FRMD4A: variants seen among roughly 807,000 people sequenced by gnomAD.
FRMD4A encodes the protein FERM domain-containing protein 4A.
A neutral mutation model predicts 129.1 loss-of-function variants in FRMD4A; 29 were observed. The observed-to-expected ratio is 0.22, with a 90% CI of 0.17 to 0.31. The LOEUF is 0.31. Ranked by LOEUF, FRMD4A falls within the 10% of genes least tolerant of loss-of-function variation. The pLI is 1.00. For missense variants in FRMD4A, 1,272 were observed against 1,375.8 expected (o/e 0.92, Z 1.19); for synonymous variants, 634 against 571.6 (o/e 1.11, Z -1.56).
At chr10:13,718,824 C>A (rs574370048) in intron 12 of FRMD4A, among the ~76,000 whole-genome samples, 3 of 152,332 alleles carry the variant, frequency 2.0e-5, no homozygotes, top group African/African-American at 7.2e-5. Flanking sequence ...ATACACATAC[C>A]TCTGCCAAAG....
intron 2 of FRMD4A, among the ~76,000 whole-genome samples, chr10:14,134,329 A>G (rs894880557): frequency 3.6e-4 from 54 of 150,976 alleles, no homozygotes; most frequent in Non-Finnish European, 2.1e-4. Flanking sequence ...GGATAGATGT[A>G]TGGCTAGATG....
At chr10:13,725,465 T>C (rs963512290) in intron 12 of FRMD4A, among the ~76,000 whole-genome samples, 5 of 152,218 alleles carry the variant, frequency 3.3e-5, no homozygotes, top group African/African-American at 1.2e-4. Context: ...CCTCCCCTCC[T>C]GTGACTTTCC....
chr10:13,925,003 G>T (rs182493544), intron 2 of FRMD4A, among the ~76,000 whole-genome samples: 1,474 of 147,254 alleles, frequency 0.01, 13 homozygotes, highest in South Asian at 0.029. Flanking sequence ...GGCGGAGGTT[G>T]CAGTGAGCCG....
chr10:13,917,677 C>T (rs1200487268), intron 2 of FRMD4A, among the ~76,000 whole-genome samples: 2 of 152,162 alleles, frequency 1.3e-5, no homozygotes, highest in African/African-American at 4.8e-5. Flanking sequence ...AAATATCAAA[C>T]TTCAGAAAAG....
intron 2 of FRMD4A, among the ~76,000 whole-genome samples, chr10:14,211,784 A>G (rs12570331): frequency 0.33 from 49,875 of 152,136 alleles, 8,249 homozygotes; most frequent in Admixed American, 0.36. Context: ...AATCACAAGA[A>G]TGATTCAAAT....
chr10:14,277,013 C>T (rs1284109960), intron 2 of FRMD4A, among the ~76,000 whole-genome samples: 2 of 152,168 alleles, frequency 1.3e-5, no homozygotes, highest in Admixed American at 6.6e-5. Context: ...TACAGGTACT[C>T]ACAACCATAC....
chr10:13,900,876 G>A (rs769900141), intron 2 of FRMD4A, among the ~76,000 whole-genome samples: 2 of 152,052 alleles, frequency 1.3e-5, no homozygotes, highest in Non-Finnish European at 2.9e-5. Context: ...CAGCCTGGGC[G>A]ACAGAGCGAG....
chr10:13,998,540 T>A (rs1213091003), intron 2 of FRMD4A, among the ~76,000 whole-genome samples: 1 of 152,192 alleles, frequency 6.6e-6, no homozygotes, highest in Non-Finnish European at 1.5e-5. Context: ...GTTTAGCACA[T>A]CACGAATAGA....
chr10:13,743,954 G>GTA (rs768822612), intron 9 of FRMD4A, among the ~76,000 whole-genome samples: 78 of 152,316 alleles, frequency 5.1e-4, no homozygotes, highest in Middle Eastern at 3.4e-3. Context: ...AGGAAGCAGA[G>GTA]TAAGTGCTGC....
chr10:14,240,994 A>G (rs74691972), intron 2 of FRMD4A, among the ~76,000 whole-genome samples: 11,663 of 151,946 alleles, frequency 0.077, 459 homozygotes, highest in Non-Finnish European at 0.09. Context: ...GCATTGGTGG[A>G]TTACATCACC....
intron 2 of FRMD4A, chr10:14,326,808 C>G: frequency 2.5e-6 from 1 of 398,642 alleles, no homozygotes; most frequent in Non-Finnish European, 4.4e-6. Context: ...CAATTAGTCA[C>G]ATCAATCTGA....
At chr10:14,074,964 A>C (rs1444160310) in intron 2 of FRMD4A, 5 of 152,186 alleles carry the variant, frequency 3.3e-5, no homozygotes, top group Admixed American at 3.3e-4. Context: ...AGGTAGGGAG[A>C]AGAGATTACC....
intron 2 of FRMD4A, among the ~76,000 whole-genome samples, chr10:14,013,041 G>A (rs1344934168): frequency 6.6e-6 from 1 of 152,180 alleles, no homozygotes; most frequent in African/African-American, 2.4e-5. Flanking sequence ...GCAGGCTGAG[G>A]CCACCATGAG....
intron 12 of FRMD4A, among the ~76,000 whole-genome samples, chr10:13,736,248 A>G (rs2090624616): frequency 6.6e-6 from 1 of 152,196 alleles, no homozygotes; most frequent in African/African-American, 2.4e-5. Flanking sequence ...AGGCACAGAA[A>G]ATTAAAAATG....
At chr10:14,012,233 C>T (rs1348032369) in intron 2 of FRMD4A, among the ~76,000 whole-genome samples, 1 of 152,040 alleles carries the variant, frequency 6.6e-6, no homozygotes, top group African/African-American at 2.4e-5. Context: ...ATGTAGAAGA[C>T]ACTCTTCAGT....
At chr10:14,138,488 C>T (rs571815344) in intron 2 of FRMD4A, among the ~76,000 whole-genome samples, 50 of 152,260 alleles carry the variant, frequency 3.3e-4, no homozygotes, top group Middle Eastern at 3.4e-3. Flanking sequence ...AGGCCGGACG[C>T]GGTGGCTCAC....
chr10:13,689,975 T>C (rs987307993), intron 15 of FRMD4A, among the ~76,000 whole-genome samples: 6 of 152,182 alleles, frequency 3.9e-5, no homozygotes, highest in African/African-American at 1.2e-4. Flanking sequence ...ACTGGGCAAG[T>C]ATTAGAAAAT....
chr10:13,882,932 T>C (rs559968870), intron 2 of FRMD4A, among the ~76,000 whole-genome samples: 1 of 151,892 alleles, frequency 6.6e-6, no homozygotes, highest in South Asian at 2.1e-4. Flanking sequence ...GTCTCCCAAG[T>C]AGCCGGGACT....
Position 13,657,156 on chromosome 10 carries a change from C to T in FRMD4A, c.2433G>A (p.Gly811=), listed in dbSNP as rs767329415. The T allele has an allele frequency of 1.3e-6, 2 of 1,482,816 alleles. No homozygotes were observed. The highest frequency in any genetic ancestry group is 8.9e-7 in the Non-Finnish European group (1 of 1,121,310). The allele number at this position is 1,482,816 out of a possible 1,614,324, so 91.9% of individuals were successfully genotyped here. The change falls in exon 22 of 25, where the codon GGG becomes GGA. Residue 811 remains glycine (G), a synonymous_variant. Transcript: ENST00000357447. ...MPNLAARGGA[G]GAGGAGGGVY... Reference sequence around the variant, plus strand: ...CACCGCCCCCCGCGCCCCCCGCGCCCCCCGCACCCCCGCGCGCCGCCAGGT... The same window carrying T: ...CACCGCCCCCCGCGCCCCCCGCGCCTCCCGCACCCCCGCGCGCCGCCAGGT...
Sources: gnomAD v4.1 joint callset for allele counts (sites outside exome capture counted in the v4.1 genomes callset) on GRCh38, gnomAD v4.1.1 for gene constraint, MANE v1.5 for transcripts, NCBI Gene and HGNC (gene_info 2026-07-23, HGNC 2026-07-21) for gene names.